The following EIF3E variants were observed in gnomAD, a reference collection of about 807,000 sequenced individuals.
The protein encoded by EIF3E is eIF-3 p48.
Under a neutral mutation model 59.3 loss-of-function variants are expected in EIF3E, and 25 were observed. That is an observed-to-expected ratio of 0.42 (90% confidence interval 0.31 to 0.59). The LOEUF (loss-of-function observed/expected upper bound fraction) is 0.59. Ranked by LOEUF, EIF3E falls within the 20% of genes least tolerant of loss-of-function variation. The pLI, the probability that EIF3E is intolerant of heterozygous loss-of-function variation, is 0.15. For missense variants in EIF3E, 317 were observed against 534.3 expected (o/e 0.59, Z 4.01); for synonymous variants, 176 against 170.2 (o/e 1.03, Z -0.26).
chr8:108,201,728 A>C lies in EIF3E; in HGVS notation c.*157T>G. The C allele has an allele frequency of 1.5e-6, 1 of 649,656 alleles. No individual in the cohort carries two copies. 40.2% of individuals were successfully genotyped at this position (649,656 alleles called of 1,614,324 possible). A position where few individuals can be genotyped will look rare whatever the true frequency, so the allele number is the denominator to read the frequency against. On this transcript the variant is annotated 3_prime_UTR_variant, in exon 13 of 13. Coordinates refer to ENST00000220849, the MANE Select transcript of EIF3E (RefSeq NM_001568.3). ...AAAACACAAACTTGCACATGCAAGA[A>C]AACTGACAGCAAGATAAAATGAATC...
At chr8:108,230,176 T>C (rs898907301) in intron 5 of EIF3E, among the ~76,000 whole-genome samples, 5 of 152,166 alleles carry the variant, frequency 3.3e-5, no homozygotes, top group Admixed American at 3.3e-4. Context: ...CATAATAGTA[T>C]AAATATCAAG....
intron 3 of EIF3E, among the ~76,000 whole-genome samples, chr8:108,238,346 C>A (rs1489182235): frequency 6.6e-6 from 1 of 152,086 alleles, no homozygotes; most frequent in Non-Finnish European, 1.5e-5. Context: ...TACTCACGAG[C>A]CCCCTCAAAT....
intron 7 of EIF3E, among the ~76,000 whole-genome samples, chr8:108,224,002 G>T (rs1815472276): frequency 6.6e-6 from 1 of 150,966 alleles, no homozygotes; most frequent in South Asian, 2.1e-4. Flanking sequence ...CGGGTCACGA[G>T]GTCAGGAGAT....
intron 2 of EIF3E, among the ~76,000 whole-genome samples, chr8:108,241,525 T>C (rs1815834226): frequency 6.6e-6 from 1 of 152,112 alleles, no homozygotes; most frequent in Admixed American, 6.5e-5. Context: ...CAGATAATTC[T>C]AAGGAATGTG....
chr8:108,210,545 T>A (rs553437616), intron 10 of EIF3E, among the ~76,000 whole-genome samples: 47 of 152,320 alleles, frequency 3.1e-4, no homozygotes, highest in Non-Finnish European at 5.3e-4. Context: ...AATTAAAATG[T>A]TAGCTGTATT....
intron 10 of EIF3E, among the ~76,000 whole-genome samples, chr8:108,214,068 T>C (rs1815259825): frequency 1.3e-5 from 2 of 152,220 alleles, no homozygotes; most frequent in African/African-American, 4.8e-5. Context: ...CATTTCACAA[T>C]TTTTTCCCAA....
Position 108,201,569 on chromosome 8 carries a change from T to A in EIF3E, c.*316A>T. 1 of 180,250 alleles carries A rather than the reference T, an allele frequency of 5.5e-6. No individual in the cohort carries two copies. Among genetic ancestry groups the A allele is most frequent in the Non-Finnish European group, 1.2e-5 (1 of 86,448 alleles). 11.2% of individuals were successfully genotyped at this position (180,250 alleles called of 1,614,324 possible). A position where few individuals can be genotyped will look rare whatever the true frequency, so the allele number is the denominator to read the frequency against. On this transcript the variant is annotated 3_prime_UTR_variant, in exon 13 of 13. Coordinates refer to ENST00000220849, the MANE Select transcript of EIF3E (RefSeq NM_001568.3). Reference sequence around the variant, plus strand: ...TACACACATTGTACCAATGTCAACATCCTGGTTTTGATACTGTACCATAGT... The same window carrying A: ...TACACACATTGTACCAATGTCAACAACCTGGTTTTGATACTGTACCATAGT...
At chr8:108,216,047 T>C (rs1815295496) in intron 9 of EIF3E, among the ~76,000 whole-genome samples, 1 of 152,216 alleles carries the variant, frequency 6.6e-6, no homozygotes, top group Non-Finnish European at 1.5e-5. Flanking sequence ...CAAAGTGACC[T>C]TGCCTGTACA....
chr8:108,238,250 G>T (rs1040583723), intron 3 of EIF3E, among the ~76,000 whole-genome samples: 1 of 152,194 alleles, frequency 6.6e-6, no homozygotes. Context: ...TGCGCATGAT[G>T]TGTGTATATA....
chr8:108,205,741 T>A (rs576500864), intron 10 of EIF3E, among the ~76,000 whole-genome samples: 5 of 151,740 alleles, frequency 3.3e-5, no homozygotes, highest in African/African-American at 9.7e-5. Context: ...ATTCCAGCTA[T>A]CAAGTGTCTT....
At chr8:108,208,015 A>G (rs947920635) in intron 10 of EIF3E, among the ~76,000 whole-genome samples, 1 of 152,164 alleles carries the variant, frequency 6.6e-6, no homozygotes. Context: ...CAGAAGATAT[A>G]TAAGTCTTAA....
rs1814997453 is a variant in EIF3E, at chr8:108,201,593, G to GT, written c.*291dup. The GT allele has an allele frequency of 8.9e-6, 2 of 223,826 alleles. No individual in the cohort carries two copies. Among genetic ancestry groups the GT allele is most frequent in the Non-Finnish European group, 1.8e-5 (2 of 114,068 alleles). The allele number at this position is 223,826 out of a possible 1,614,324, so 13.9% of individuals were successfully genotyped here. A position where few individuals can be genotyped will look rare whatever the true frequency, so the allele number is the denominator to read the frequency against. On this transcript the variant is annotated 3_prime_UTR_variant, in exon 13 of 13. Coordinates refer to ENST00000220849, the MANE Select transcript of EIF3E (RefSeq NM_001568.3). ...ATCCTGGTTTTGATACTGTACCATAGTAAGACAAAGTGAAAAAATTGAGGG... is the reference window on the plus strand; with the variant it reads ...ATCCTGGTTTTGATACTGTACCATAGTTAAGACAAAGTGAAAAAATTGAGGG...
chr8:108,210,838 C>T (rs548386532), intron 10 of EIF3E, among the ~76,000 whole-genome samples: 141 of 151,616 alleles, frequency 9.3e-4, no homozygotes, highest in Non-Finnish European at 1.6e-3. Context: ...TGAGTGAGAA[C>T]ATGCGGTGTT....
At chr8:108,226,329 G>A (rs1179701296) in intron 7 of EIF3E, 2 of 151,970 alleles carry the variant, frequency 1.3e-5, no homozygotes, top group Non-Finnish European at 2.9e-5. Flanking sequence ...GAGTAGCTGG[G>A]ATTACAGGTG....
intron 7 of EIF3E, among the ~76,000 whole-genome samples, chr8:108,217,742 G>C (rs1441903945): frequency 6.6e-6 from 1 of 152,138 alleles, no homozygotes; most frequent in African/African-American, 2.4e-5. Flanking sequence ...ACAGGATTTT[G>C]CAAGGTTCAT....
At chr8:108,222,828 GTTT>G (rs11320166) in intron 7 of EIF3E, among the ~76,000 whole-genome samples, 3,262 of 134,264 alleles carry the variant, frequency 0.024, 111 homozygotes, top group African/African-American at 0.075. Context: ...AATTTTCTTA[GTTT>G]TTTTTTTTTT....
At chr8:108,217,610 T>C in intron 7 of EIF3E, 150 bp from the exon 8 acceptor site, 2 of 602,334 alleles carry the variant, frequency 3.3e-6, no homozygotes, top group Admixed American at 7.6e-5. Context: ...CCAAGGAAAT[T>C]TAAAAACAGA....
At chr8:108,217,966 T>G (rs1282291108) in intron 7 of EIF3E, among the ~76,000 whole-genome samples, 1 of 152,194 alleles carries the variant, frequency 6.6e-6, no homozygotes, top group Non-Finnish European at 1.5e-5. Context: ...GCAGTAGGAA[T>G]TAGGAAGGAA....
At chr8:108,221,456 T>G (rs1815411483) in intron 7 of EIF3E, 1 of 152,190 alleles carries the variant, frequency 6.6e-6, no homozygotes, top group African/African-American at 2.4e-5. Flanking sequence ...GTGATTATAG[T>G]CCGGTAATGT....
Sources: gnomAD v4.1 joint callset for allele counts (sites outside exome capture counted in the v4.1 genomes callset) on GRCh38, gnomAD v4.1.1 for gene constraint, MANE v1.5 for transcripts, NCBI Gene and HGNC (gene_info 2026-07-23, HGNC 2026-07-21) for gene names.